Variants in NPAS3 observed in about 807,000 individuals in gnomAD.
NPAS3 encodes the protein neuronal PAS domain-containing protein 3.
In NPAS3, 14 loss-of-function variants were observed where a neutral mutation model predicts 73.1. That is an observed-to-expected ratio of 0.19 (90% CI 0.13 to 0.30). NPAS3 has a LOEUF of 0.30. Ranked by LOEUF, NPAS3 falls within the 10% of genes least tolerant of loss-of-function variation. The pLI is 1.00. For synonymous variants in NPAS3, 620 were observed against 541.5 expected, an observed-to-expected ratio of 1.14 and a Z score of -2.01; for missense variants, 1,096 against 1,250.0, an observed-to-expected ratio of 0.88 and a Z score of 1.86.
intron 5 of NPAS3, among the ~76,000 whole-genome samples, chr14:33,671,983 A>G (rs2059621798): frequency 6.6e-6 from 1 of 152,244 alleles, no homozygotes; most frequent in African/African-American, 2.4e-5. Context: ...TAATTAATAT[A>G]AAATGAAATT....
At chr14:33,710,068 T>G (rs994264910) in intron 6 of NPAS3, among the ~76,000 whole-genome samples, 21 of 152,236 alleles carry the variant, frequency 1.4e-4, no homozygotes, top group African/African-American at 4.6e-4. Flanking sequence ...GATTTCTATT[T>G]GCACTCATCT....
chr14:33,482,135 C>A (rs2051361418), intron 4 of NPAS3, among the ~76,000 whole-genome samples: 1 of 149,752 alleles, frequency 6.7e-6, no homozygotes, highest in African/African-American at 2.5e-5. Flanking sequence ...ACGAAAGGTT[C>A]TTCAAGTATA....
chr14:33,279,866 T>C (rs2041516652), intron 3 of NPAS3, among the ~76,000 whole-genome samples: 1 of 152,152 alleles, frequency 6.6e-6, no homozygotes, highest in Non-Finnish European at 1.5e-5. Context: ...TTTAACTCTT[T>C]TTGAACTGCA....
intron 5 of NPAS3, among the ~76,000 whole-genome samples, chr14:33,598,302 C>A (rs1263299181): frequency 6.6e-6 from 1 of 152,226 alleles, no homozygotes; most frequent in East Asian, 1.9e-4. Context: ...AGTCTTCCAA[C>A]AATGCTCTTC....
chr14:33,594,332 A>C (rs1192756147), intron 5 of NPAS3, among the ~76,000 whole-genome samples: 1 of 152,058 alleles, frequency 6.6e-6, no homozygotes, highest in Non-Finnish European at 1.5e-5. Context: ...AATATTTTCG[A>C]TCTGTAGTTG....
At chr14:33,351,983 T>A (rs1380054323) in intron 3 of NPAS3, among the ~76,000 whole-genome samples, 1 of 152,006 alleles carries the variant, frequency 6.6e-6, no homozygotes, top group Non-Finnish European at 1.5e-5. Context: ...CACCATGGCA[T>A]GTGTATACCT....
intron 5 of NPAS3, among the ~76,000 whole-genome samples, chr14:33,581,307 T>C (rs1281051854): frequency 6.6e-6 from 1 of 152,216 alleles, no homozygotes; most frequent in Non-Finnish European, 1.5e-5. Flanking sequence ...TGTATCATAC[T>C]TCATATGGGC....
intron 2 of NPAS3, among the ~76,000 whole-genome samples, chr14:33,178,011 A>G (rs962749266): frequency 1.3e-5 from 2 of 151,268 alleles, no homozygotes; most frequent in African/African-American, 2.4e-5. Flanking sequence ...GAATTTGAGT[A>G]TCAGCTTTTT....
chr14:33,712,216 C>G (rs149338221), intron 6 of NPAS3, among the ~76,000 whole-genome samples: 1 of 152,154 alleles, frequency 6.6e-6, no homozygotes, highest in East Asian at 1.9e-4. Flanking sequence ...AGAGTCTCCC[C>G]CTTGGAGGGA....
intron 3 of NPAS3, among the ~76,000 whole-genome samples, chr14:33,347,147 G>A (rs1057373386): frequency 3.9e-5 from 6 of 152,090 alleles, no homozygotes; most frequent in Admixed American, 1.3e-4. Context: ...GCAAACTGGT[G>A]GCATCAATTC....
At chr14:33,308,713 T>A (rs2042884311) in intron 3 of NPAS3, among the ~76,000 whole-genome samples, 1 of 152,086 alleles carries the variant, frequency 6.6e-6, no homozygotes, top group East Asian at 1.9e-4. Context: ...TTTTCCCGGT[T>A]GATCTTTCAT....
intron 5 of NPAS3, among the ~76,000 whole-genome samples, chr14:33,566,866 T>C (rs571210910): frequency 1.3e-5 from 2 of 152,328 alleles, no homozygotes; most frequent in South Asian, 4.1e-4. Flanking sequence ...CTTAAAATTA[T>C]GTAACAATGA....
chr14:33,110,920 C>G (rs571330732), intron 2 of NPAS3, among the ~76,000 whole-genome samples: 1 of 152,138 alleles, frequency 6.6e-6, no homozygotes, highest in Non-Finnish European at 1.5e-5. Context: ...GAAGCAGGCA[C>G]TACCCACAGG....
intron 3 of NPAS3, among the ~76,000 whole-genome samples, chr14:33,217,476 C>A (rs1366730633): frequency 6.6e-6 from 1 of 152,052 alleles, no homozygotes; most frequent in Non-Finnish European, 1.5e-5. Context: ...GGTTAGGAAC[C>A]ATACCATGTG....
Position 33,340,788 on chromosome 14 carries a change from C to T in NPAS3, c.386-26398C>T, listed in dbSNP as rs183388266. On this transcript the variant is annotated intron_variant, in intron 3 of 11. Transcript: ENST00000356141. ...GATAGTATTCCTTATATCAATTATC[C>T]GAATAATCTTTAGACTGTTAGTTCA... is the stretch of plus-strand genomic sequence containing the variant. Among the ~76,000 whole-genome samples, 22 of 152,146 alleles carry T rather than the reference C, an allele frequency of 1.4e-4. No individual in the cohort carries two copies. In the East Asian group the frequency reaches 3.5e-3, roughly 24 times the overall value.
intron 4 of NPAS3, among the ~76,000 whole-genome samples, chr14:33,441,770 A>G (rs1430035750): frequency 1.3e-5 from 2 of 152,180 alleles, no homozygotes; most frequent in African/African-American, 4.8e-5. Context: ...CCTCACAATC[A>G]TGGCTGAGGG....
intron 3 of NPAS3, among the ~76,000 whole-genome samples, chr14:33,305,708 CTAAA>C (rs950991187): frequency 6.6e-6 from 1 of 152,098 alleles, no homozygotes; most frequent in African/African-American, 2.4e-5. Flanking sequence ...AATTGAATGG[CTAAA>C]TAGTCTACCA....
At chr14:32,997,145 G>T (rs1023703910) in intron 1 of NPAS3, among the ~76,000 whole-genome samples, 1 of 152,196 alleles carries the variant, frequency 6.6e-6, no homozygotes, top group Non-Finnish European at 1.5e-5. Flanking sequence ...TTTCAGACGT[G>T]CATGGGGCCT....
chr14:33,582,869 T>G (rs986043218), intron 5 of NPAS3, among the ~76,000 whole-genome samples: 6 of 152,032 alleles, frequency 3.9e-5, no homozygotes, highest in Non-Finnish European at 7.4e-5. Context: ...CATAAAATGT[T>G]TGAAGTAAGA....
Sources: allele counts gnomAD v4.1 joint callset (sites outside exome capture counted in the v4.1 genomes callset), GRCh38; gene constraint gnomAD v4.1.1; transcripts MANE v1.5; gene names NCBI Gene and HGNC (gene_info 2026-07-23, HGNC 2026-07-21).